MAP2K5: variants seen among roughly 807,000 people sequenced by gnomAD.
MAP2K5 encodes mitogen-activated protein kinase kinase 5.
A neutral mutation model predicts 83.1 loss-of-function variants in MAP2K5; 49 were observed. That is an observed-to-expected ratio of 0.59 (90% CI 0.47 to 0.75). The LOEUF is 0.75. MAP2K5 is among the 30% of genes least tolerant of loss of function. The pLI is 0.00. For missense variants in MAP2K5, 457 were observed against 557.5 expected, an observed-to-expected ratio of 0.82 and a Z score of 1.82; for synonymous variants, 202 against 191.8, an observed-to-expected ratio of 1.05 and a Z score of -0.44.
chr15:67,689,353 A>C (rs1217019993), intron 13 of MAP2K5, among the ~76,000 whole-genome samples: 1 of 152,246 alleles, frequency 6.6e-6, no homozygotes, highest in Non-Finnish European at 1.5e-5. Context: ...TTCAAAGAAG[A>C]TAGTGACTTT....
chr15:67,556,024 G>C (rs895087407), intron 2 of MAP2K5, among the ~76,000 whole-genome samples: 8 of 152,138 alleles, frequency 5.3e-5, no homozygotes, highest in Non-Finnish European at 4.4e-5. Flanking sequence ...GACCTCAGGT[G>C]ATCTGCCTGT....
Position 67,664,641 on chromosome 15 carries a change from T to A in MAP2K5, c.843T>A (p.His281Gln), listed in dbSNP as rs1272476366. 1.9e-6 allele frequency: 3 copies of A among 1,601,946 alleles called. No homozygotes were observed. Among genetic ancestry groups the A allele is most frequent in the Admixed American group, 3.3e-5 (2 of 59,862 alleles). Residue 281 changes from histidine to glutamine, a missense_variant, in exon 13 of 22, where the codon CAT (histidine) becomes CAA (glutamine). Around this residue, in one of 3 missense-constraint regions of MAP2K5, gnomAD observed 168 missense variants for 263.0 expected, o/e 0.64. Transcript: ENST00000178640. ...ATTTGTGGAGTTTAAAGATTTTACA[T>A]AGAGGTATGTGCTGGGCTTATAAGC... ...LTYLWSLKILHRDVKPSNMLV... is the reference protein window; with the variant it reads ...LTYLWSLKILQRDVKPSNMLV...
At chr15:67,617,719 C>T (rs1213956391) in intron 8 of MAP2K5, among the ~76,000 whole-genome samples, 2 of 151,984 alleles carry the variant, frequency 1.3e-5, no homozygotes, top group Non-Finnish European at 1.5e-5. Flanking sequence ...TGATACAGGG[C>T]CTCACTCTGT....
intron 6 of MAP2K5, among the ~76,000 whole-genome samples, chr15:67,590,057 C>T (rs913790390): frequency 1.3e-5 from 2 of 152,122 alleles, no homozygotes; most frequent in African/African-American, 4.8e-5. Context: ...TATGTTTCAG[C>T]TTTCATCCTA....
rs1214989560 is a variant in MAP2K5 at position 67,747,036 on chromosome 15, C to T, written c.1075-1195C>T. 6.6e-6 allele frequency among the ~76,000 whole-genome samples: 1 copy of T among 152,146 alleles called. No homozygotes were observed. The highest frequency in any genetic ancestry group is 1.9e-4 in the East Asian group (1 of 5,200). On this transcript the variant is annotated intron_variant, in intron 17 of 21. Coordinates refer to ENST00000178640, the MANE Select transcript of MAP2K5 (RefSeq NM_145160.3). The surrounding 1 kb of genome is among the most constrained non-coding windows in gnomAD (Gnocchi z 4.1). Reference sequence around the variant, plus strand: ...AGTTGTTTTCAAATAACTCTATGATCATAGGCAAGTGTAATACAGATGCTG... The same window carrying T: ...AGTTGTTTTCAAATAACTCTATGATTATAGGCAAGTGTAATACAGATGCTG...
intron 8 of MAP2K5, among the ~76,000 whole-genome samples, chr15:67,617,140 C>G (rs1344463822): frequency 6.6e-6 from 1 of 152,096 alleles, no homozygotes; most frequent in Non-Finnish European, 1.5e-5. Flanking sequence ...TTTCCGTGCT[C>G]ATTTTGATAA....
Position 67,723,768 on chromosome 15 carries a change from G to A in MAP2K5, c.1045-4148G>A, listed in dbSNP as rs547473253. Among the ~76,000 whole-genome samples the A allele has an allele frequency of 1.9e-4, 29 of 151,638 alleles. No homozygotes were observed. In the East Asian group the frequency reaches 5.4e-3, roughly 28 times the overall value. On this transcript the variant is annotated intron_variant, in intron 16 of 21. Transcript: ENST00000178640. ...GTACACTTTTTAAAAAAAAAAACTA[G>A]ACTTAAGCTGCCTATATTACATGCT...
intron 13 of MAP2K5, among the ~76,000 whole-genome samples, chr15:67,673,536 G>T (rs1355384158): frequency 6.6e-6 from 1 of 152,104 alleles, no homozygotes; most frequent in African/African-American, 2.4e-5. Context: ...AAGAAATTTT[G>T]ATGTCAAGGT....
chr15:67,621,418 T>A (rs2086183532), intron 8 of MAP2K5, among the ~76,000 whole-genome samples: 2 of 80,384 alleles, frequency 2.5e-5, no homozygotes, highest in Non-Finnish European at 2.7e-5. Context: ...AAAGAAATAC[T>A]AATGAACAAA....
chr15:67,804,979 G>A (rs1170244472), intron 21 of MAP2K5, among the ~76,000 whole-genome samples: 1 of 152,162 alleles, frequency 6.6e-6, no homozygotes, highest in African/African-American at 2.4e-5. Context: ...GCCATCCACA[G>A]GGCCACACCC....
chr15:67,549,904 C>A, intron 1 of MAP2K5, 130 bp from the exon 2 acceptor site: 3 of 676,174 alleles, frequency 4.4e-6, no homozygotes, highest in Admixed American at 2.3e-5. Context: ...TGATTATGAG[C>A]TAATGTTTTT....
At chr15:67,633,147 T>C (rs575179176) in intron 9 of MAP2K5, among the ~76,000 whole-genome samples, 6 of 152,346 alleles carry the variant, frequency 3.9e-5, no homozygotes, top group Middle Eastern at 3.4e-3. Context: ...TCTCACTGAG[T>C]GTGGCTCTGT....
At chr15:67,617,686 T>C (rs2086084516) in intron 8 of MAP2K5, among the ~76,000 whole-genome samples, 1 of 152,068 alleles carries the variant, frequency 6.6e-6, no homozygotes, top group African/African-American at 2.4e-5. Flanking sequence ...ACATATTTAT[T>C]TTCCTTACTT....
intron 8 of MAP2K5, among the ~76,000 whole-genome samples, chr15:67,625,357 A>G (rs1331097091): frequency 6.6e-6 from 1 of 152,232 alleles, no homozygotes; most frequent in Non-Finnish European, 1.5e-5. Context: ...CTGGTCACAA[A>G]CAAAATGGAA....
At chr15:67,612,719 A>C (rs569424194) in intron 8 of MAP2K5, among the ~76,000 whole-genome samples, 1 of 152,332 alleles carries the variant, frequency 6.6e-6, no homozygotes, top group Non-Finnish European at 1.5e-5. Context: ...CTCCAGCCTG[A>C]CAAAAGCCAT....
intron 13 of MAP2K5, among the ~76,000 whole-genome samples, chr15:67,669,476 A>G (rs2087474616): frequency 6.6e-6 from 1 of 152,088 alleles, no homozygotes; most frequent in Admixed American, 6.6e-5. Flanking sequence ...TAGACACCAC[A>G]GGATGTGCCC....
At chr15:67,603,597 G>T (rs188432101) in intron 8 of MAP2K5, among the ~76,000 whole-genome samples, 6 of 152,082 alleles carry the variant, frequency 3.9e-5, no homozygotes, top group Non-Finnish European at 8.8e-5. Flanking sequence ...TTGCATAACC[G>T]CTTGTCATTG....
intron 2 of MAP2K5, among the ~76,000 whole-genome samples, chr15:67,553,300 C>T (rs752936278): frequency 1.3e-5 from 2 of 152,208 alleles, no homozygotes; most frequent in Non-Finnish European, 1.5e-5. Flanking sequence ...CCAAGTGTGT[C>T]AAAAGCCTGT....
intron 13 of MAP2K5, among the ~76,000 whole-genome samples, chr15:67,667,319 C>T (rs2087405256): frequency 6.6e-6 from 1 of 152,172 alleles, no homozygotes; most frequent in Admixed American, 6.6e-5. Context: ...TCAGCTAAGG[C>T]AATTAAATAG....
Sources: gnomAD v4.1 joint callset for allele counts (sites outside exome capture counted in the v4.1 genomes callset) on GRCh38, gnomAD v4.1.1 for gene constraint, gnomAD v4.1.1 regional missense constraint, Gnocchi (gnomAD v3.1) non-coding constraint, MANE v1.5 for transcripts, NCBI Gene and HGNC (gene_info 2026-07-23, HGNC 2026-07-21) for gene names.